The following WDR27 variants were observed in gnomAD, a reference collection of about 807,000 sequenced individuals.
WDR27 encodes the protein WD repeat-containing protein 27.
A neutral mutation model predicts 114.4 loss-of-function variants in WDR27; 100 were observed. The observed-to-expected ratio is 0.87, with a 90% CI of 0.74 to 1.03. The LOEUF (loss-of-function observed/expected upper bound fraction) is 1.03. WDR27 is among the 50% of genes least tolerant of loss of function. The pLI, the probability that WDR27 is intolerant of heterozygous loss-of-function variation, is 0.00. For synonymous variants in WDR27, 449 were observed against 423.1 expected, an observed-to-expected ratio of 1.06 and a Z score of -0.75; for missense variants, 1,129 against 1,092.9, an observed-to-expected ratio of 1.03 and a Z score of -0.47.
At position 169,659,414 on chromosome 6, in the gene WDR27, G is replaced by A. The variant is rs139151834; in HGVS notation, c.1197+37C>T. ...TGAAGAAAGAAGAAATCAGAGGCACGTCTCATAGACAGGGAGGGCCGCGTC... is the reference window on the plus strand; with the variant it reads ...TGAAGAAAGAAGAAATCAGAGGCACATCTCATAGACAGGGAGGGCCGCGTC... On this transcript the variant is annotated intron_variant, in intron 11 of 25. Coordinates refer to ENST00000448612, the MANE Select transcript of WDR27 (RefSeq NM_182552.5). The surrounding 1 kb of genome is among the most constrained non-coding windows in gnomAD (Gnocchi z 4.3). The A allele has an allele frequency of 4.1e-5, 66 of 1,598,912 alleles. No homozygotes were observed. The highest frequency in any genetic ancestry group is 4.9e-5 in the Non-Finnish European group (58 of 1,172,126).
At chr6:169,641,260 G>T (rs972707031) in intron 17 of WDR27, among the ~76,000 whole-genome samples, 4 of 152,230 alleles carry the variant, frequency 2.6e-5, no homozygotes, top group Non-Finnish European at 5.9e-5. Flanking sequence ...CCAAACACAT[G>T]CGTGAAGCGC....
intron 21 of WDR27, among the ~76,000 whole-genome samples, chr6:169,621,441 TATGCACAC>T (rs1272033930): frequency 6.7e-6 from 1 of 150,310 alleles, no homozygotes; most frequent in Non-Finnish European, 1.5e-5. Flanking sequence ...CACATATACA[TATGCACAC>T]ATGCACACAC....
At chr6:169,474,881 C>A (rs1208030366) in intron 25 of WDR27, among the ~76,000 whole-genome samples, 1 of 152,098 alleles carries the variant, frequency 6.6e-6, no homozygotes, top group Non-Finnish European at 1.5e-5. Flanking sequence ...GAATCTATAC[C>A]ACATGGCAGT....
intron 25 of WDR27, among the ~76,000 whole-genome samples, chr6:169,475,529 A>C (rs1787029338): frequency 1.3e-5 from 2 of 152,166 alleles, no homozygotes; most frequent in African/African-American, 4.8e-5. Context: ...GGCCTCTTCT[A>C]CTTACTTATA....
chr6:169,476,639 G>A (rs1299172437), intron 25 of WDR27, among the ~76,000 whole-genome samples: 1 of 152,048 alleles, frequency 6.6e-6, no homozygotes, highest in Non-Finnish European at 1.5e-5. Context: ...CCCAACAGCA[G>A]TTTATTAGAG....
At chr6:169,475,377 C>A (rs1787005177) in intron 25 of WDR27, among the ~76,000 whole-genome samples, 1 of 152,042 alleles carries the variant, frequency 6.6e-6, no homozygotes, top group African/African-American at 2.4e-5. Context: ...CACCTCCCAC[C>A]ATACCTGGCT....
At chr6:169,501,962 C>T (rs1791306212) in intron 25 of WDR27, among the ~76,000 whole-genome samples, 1 of 152,228 alleles carries the variant, frequency 6.6e-6, no homozygotes, top group South Asian at 2.1e-4. Flanking sequence ...TCAGACTCTC[C>T]CCTAAGATCA....
At chr6:169,638,445 C>A in intron 18 of WDR27, 94 bp downstream of exon 18, 1 of 1,489,698 alleles carries the variant, frequency 6.7e-7, no homozygotes, top group South Asian at 1.3e-5. Flanking sequence ...ACGTCCCTTT[C>A]CTCATCTCCT....
chr6:169,500,635 C>T (rs1199182509), intron 25 of WDR27, among the ~76,000 whole-genome samples: 11 of 152,148 alleles, frequency 7.2e-5, no homozygotes, highest in Admixed American at 1.3e-4. Context: ...TACCCAGGAC[C>T]TGCCCTCCGG....
At chr6:169,689,912 G>C (rs368459199) in intron 1 of WDR27, among the ~76,000 whole-genome samples, 115 of 146,828 alleles carry the variant, frequency 7.8e-4, no homozygotes, top group South Asian at 4.5e-3. Flanking sequence ...CCCATGTGGC[G>C]CTCATGCTGG....
intron 25 of WDR27, among the ~76,000 whole-genome samples, chr6:169,489,221 C>T (rs1789391302): frequency 6.6e-6 from 1 of 152,210 alleles, no homozygotes; most frequent in South Asian, 2.1e-4. Flanking sequence ...ATGGCACCTG[C>T]ACAGATGCCT....
Position 169,702,018 on chromosome 6 carries a change from G to A in WDR27, c.-475C>T, listed in dbSNP as rs1007457481. 6.8e-6 allele frequency: 3 copies of A among 438,600 alleles called. No individual in the cohort carries two copies. Among genetic ancestry groups the A allele is most frequent in the African/African-American group, 2.0e-5 (1 of 49,482 alleles). 27.2% of individuals were successfully genotyped at this position (438,600 alleles called of 1,614,324 possible). ...GTTACTTGCCAGCCGACCCACGCGAGCCGCTATGGTTACTAGCCCGCCGCC... is the reference window on the plus strand; with the variant it reads ...GTTACTTGCCAGCCGACCCACGCGAACCGCTATGGTTACTAGCCCGCCGCC... On this transcript the variant is annotated 5_prime_UTR_variant, in exon 1 of 26. Coordinates refer to ENST00000448612, the MANE Select transcript of WDR27 (RefSeq NM_182552.5).
At chr6:169,561,114 A>C (rs1799611199) in intron 25 of WDR27, among the ~76,000 whole-genome samples, 1 of 152,296 alleles carries the variant, frequency 6.6e-6, no homozygotes, top group South Asian at 2.1e-4. Context: ...ACAGACAGTT[A>C]TCTCTCACCG....
intron 2 of WDR27, among the ~76,000 whole-genome samples, chr6:169,680,332 A>G (rs200897257): frequency 6.6e-6 from 1 of 152,216 alleles, no homozygotes; most frequent in East Asian, 1.9e-4. Context: ...CCTGTAATCC[A>G]AGTACTTTGG....
At chr6:169,492,766 G>C (rs1789937590) in intron 25 of WDR27, among the ~76,000 whole-genome samples, 1 of 151,988 alleles carries the variant, frequency 6.6e-6, no homozygotes, top group Admixed American at 6.6e-5. Context: ...AAATGTGCTA[G>C]TAACAAAACT....
chr6:169,573,729 C>T (rs1470892021), intron 24 of WDR27, among the ~76,000 whole-genome samples: 2 of 152,196 alleles, frequency 1.3e-5, no homozygotes, highest in South Asian at 2.1e-4. Context: ...TGTGTATCCG[C>T]GTGTGAAGCA....
At chr6:169,666,612 C>T in intron 6 of WDR27, 11 of 985,624 alleles carry the variant, frequency 1.1e-5, no homozygotes, top group Non-Finnish European at 1.3e-5. Flanking sequence ...CGGACGCCTG[C>T]ACCATCAATG....
At chr6:169,627,063 T>C (rs1815036426) in intron 21 of WDR27, among the ~76,000 whole-genome samples, 1 of 152,296 alleles carries the variant, frequency 6.6e-6, no homozygotes, top group African/African-American at 2.4e-5. Context: ...TCAGGACTGG[T>C]CCTCCAGCGC....
chr6:169,553,535 A>G (rs544638782), intron 25 of WDR27, among the ~76,000 whole-genome samples: 1 of 152,328 alleles, frequency 6.6e-6, no homozygotes, highest in East Asian at 1.9e-4. Context: ...TCTTGGATGC[A>G]GGATTTCTGC....
Sources: allele counts gnomAD v4.1 joint callset (sites outside exome capture counted in the v4.1 genomes callset), GRCh38; gene constraint gnomAD v4.1.1; non-coding constraint Gnocchi (gnomAD v3.1); transcripts MANE v1.5; gene names NCBI Gene and HGNC (gene_info 2026-07-23, HGNC 2026-07-21).